The following DAZAP2 variants were observed in gnomAD, a reference collection of about 807,000 sequenced individuals.
DAZAP2 encodes DAZ-associated protein 2.
A neutral mutation model predicts 16.2 loss-of-function variants in DAZAP2; 3 were observed. That is an observed-to-expected ratio of 0.19 (90% CI 0.08 to 0.48). DAZAP2 has a LOEUF of 0.48. Among genes scored for constraint, DAZAP2 ranks in the 20% least tolerant of loss-of-function variants. The pLI is 0.98. For synonymous variants in DAZAP2, 69 were observed against 77.6 expected, an observed-to-expected ratio of 0.89 and a Z score of 0.58; for missense variants, 172 against 215.9, an observed-to-expected ratio of 0.80 and a Z score of 1.27.
chr12:51,242,446 C>T lies in DAZAP2; in HGVS notation c.495C>T (p.Tyr165=). The T allele has an allele frequency of 6.2e-7, 1 of 1,614,180 alleles. No individual in the cohort carries two copies. The highest frequency in any genetic ancestry group is 1.3e-5 in the African/African-American group (1 of 75,056). ...NFFMGGSDGG[Y]TIW ...TCATGGGTGGTTCAGATGGTGGCTA[C>T]ACCATCTGGTGAGGAACCAAGGCCA... is the stretch of plus-strand genomic sequence containing the variant. The change falls in exon 4 of 4, where the codon TAC becomes TAT. Residue 165 remains tyrosine (Y), a synonymous_variant. Coordinates refer to ENST00000412716, the MANE Select transcript of DAZAP2 (RefSeq NM_014764.4).
intron 2 of DAZAP2, 164 bp from the exon 3 acceptor site, chr12:51,240,707 C>G: frequency 9.9e-7 from 1 of 1,011,756 alleles, no homozygotes; most frequent in Admixed American, 2.7e-5. Context: ...TTAGCTATAG[C>G]AGAAAGTGAT....
Position 51,239,493 on chromosome 12 carries a change from AAAAG to A in DAZAP2, c.13+574_13+577del, listed in dbSNP as rs1440842808. 2.8e-4 allele frequency: 41 copies of A among 146,572 alleles called. 1 individual carries two copies. In the South Asian group the frequency reaches 4.9e-3, roughly 17 times the overall value. The allele number at this position is 146,572 out of a possible 1,614,324, so 9.1% of individuals were successfully genotyped here. A position where few individuals can be genotyped will look rare whatever the true frequency, so the allele number is the denominator to read the frequency against. ...AAAAGGAATAGAAAAAAAAAAAAAA[AAAAG>A]GCCGAGCGAGGTTGCTCACGCCTGT... On this transcript the variant is annotated intron_variant, in intron 1 of 3. Coordinates refer to ENST00000412716, the MANE Select transcript of DAZAP2 (RefSeq NM_014764.4).
chr12:51,243,096 C>G lies in DAZAP2; in HGVS notation c.*638C>G. 1 of 988,536 alleles carries G rather than the reference C, an allele frequency of 1.0e-6. No individual in the cohort carries two copies. The allele number at this position is 988,536 out of a possible 1,614,324, so 61.2% of individuals were successfully genotyped here. ...GTGTTTCACAAGGATCCTCTGAAAC[C>G]CTCTCTGTGCCCCAAGTACAGATGC... On this transcript the variant is annotated 3_prime_UTR_variant, in exon 4 of 4. Transcript: ENST00000412716.
intron 1 of DAZAP2, 53 bp downstream of exon 1, chr12:51,238,973 C>A: frequency 6.2e-7 from 1 of 1,605,860 alleles, no homozygotes. Context: ...TGGCCCAGAG[C>A]GAGCGGATTC....
At chr12:51,239,128 T>C in intron 1 of DAZAP2, 2 of 674,258 alleles carry the variant, frequency 3.0e-6, no homozygotes, top group South Asian at 4.0e-5. Context: ...CTCCGTAAAC[T>C]CTGTGGCGCA....
At chr12:51,245,882 T>G (rs1297257427), downstream of DAZAP2, 2 of 1,544,822 alleles carry the variant, frequency 1.3e-6, no homozygotes, top group East Asian at 4.5e-5. Context: ...TTTCCCATAA[T>G]AAGCAGTCAA....
chr12:51,246,268 C>T (rs1237944695), downstream of DAZAP2: 3 of 1,132,544 alleles, frequency 2.6e-6, no homozygotes, highest in Non-Finnish European at 3.7e-6. Context: ...CATGTTCCCC[C>T]ACCAACCCCA....
chr12:51,240,351 C>G lies in DAZAP2; in HGVS notation c.22C>G (p.Pro8Ala). ...TTTTTCTTGTCTTTCAGGTCAATAT[C>G]CAACACAGCCAACCTACCCTGTGCA... MNSKGQY[P>A]TQPTYPVQPP... The change falls in exon 2 of 4, where the codon CCA becomes GCA. Residue 8 changes from proline to alanine, a missense_variant. Physicochemically the swap from Pro to Ala is conservative, Grantham distance 27 (BLOSUM62 -1). Coordinates refer to ENST00000412716, the MANE Select transcript of DAZAP2 (RefSeq NM_014764.4). 1.9e-6 allele frequency: 3 copies of G among 1,613,764 alleles called. No homozygotes were observed. The highest frequency in any genetic ancestry group is 2.5e-6 in the Non-Finnish European group (3 of 1,179,778).
At position 51,243,483 on chromosome 12, in the gene DAZAP2, C is replaced by T; in HGVS notation, c.*1025C>T. 1.0e-6 allele frequency: 1 copy of T among 985,810 alleles called. No homozygotes were observed. Among genetic ancestry groups the T allele is most frequent in the Non-Finnish European group, 1.2e-6 (1 of 829,922 alleles). 61.1% of individuals were successfully genotyped at this position (985,810 alleles called of 1,614,324 possible). A position where few individuals can be genotyped will look rare whatever the true frequency, so the allele number is the denominator to read the frequency against. On this transcript the variant is annotated 3_prime_UTR_variant, in exon 4 of 4. Transcript: ENST00000412716. ...ATAGGGTCATATTGTGAATGTCTCA[C>T]TACAAAATGACTTGAGTCCAGTGAA...
intron 3 of DAZAP2, 34 bp downstream of exon 3, chr12:51,241,150 T>A (rs768307796): frequency 6.2e-7 from 1 of 1,604,466 alleles, no homozygotes; most frequent in Non-Finnish European, 8.5e-7. Context: ...AACTCAGCCC[T>A]TGTGTATTTT....
In DAZAP2 at chr12:51,242,684, T is replaced by A. The variant is rs1944699875; in HGVS notation, c.*226T>A. 6.6e-7 allele frequency: 1 copy of A among 1,509,784 alleles called. No homozygotes were observed. The highest frequency in any genetic ancestry group is 2.2e-5 in the Admixed American group (1 of 45,142). The allele number at this position is 1,509,784 out of a possible 1,614,324, so 93.5% of individuals were successfully genotyped here. On this transcript the variant is annotated 3_prime_UTR_variant, in exon 4 of 4. Transcript: ENST00000412716. The stretch of plus-strand genomic sequence containing the variant: ...TTGAGGTAGGGGAGGTATCCATTCA[T>A]AAAATGAATGTGGGTGAAGCCGCCC...
chr12:51,240,667 A>G, intron 2 of DAZAP2: 1 of 858,690 alleles, frequency 1.2e-6, no homozygotes, highest in Non-Finnish European at 1.8e-6. Flanking sequence ...TAAGGTGCAG[A>G]AGATGAATTT....
rs968553922 is a variant in DAZAP2 at position 51,243,680 on chromosome 12, GTCTC to G, written c.*1228_*1231del. ...CTGTTATGGAAGTTCAGCGTTGTAT[GTCTC>G]TCTCTACACTGTGGTGCACTTAACT... is the stretch of plus-strand genomic sequence containing the variant. On this transcript the variant is annotated 3_prime_UTR_variant, in exon 4 of 4. Transcript: ENST00000412716. 8 of 985,572 alleles carry G rather than the reference GTCTC, an allele frequency of 8.1e-6. No homozygotes were observed. The highest frequency in any genetic ancestry group is 4.7e-5 in the South Asian group (1 of 21,286). 61.1% of individuals were successfully genotyped at this position (985,572 alleles called of 1,614,324 possible).
chr12:51,238,907 C>T lies in DAZAP2; in HGVS notation c.-1C>T. ...CGAGACAAACCGGACCCGCAACCAC[C>T]ATGAACAGCAAAGGCAAGGACCGAG... On this transcript the variant is annotated 5_prime_UTR_variant, in exon 1 of 4. Coordinates refer to ENST00000412716, the MANE Select transcript of DAZAP2 (RefSeq NM_014764.4). 6.2e-7 allele frequency: 1 copy of T among 1,613,548 alleles called. No individual in the cohort carries two copies. Among genetic ancestry groups the T allele is most frequent in the Non-Finnish European group, 8.5e-7 (1 of 1,179,924 alleles).
rs1944702278 is a variant in DAZAP2 at position 51,242,808 on chromosome 12, C to A, written c.*350C>A. 1 of 1,400,172 alleles carries A rather than the reference C, an allele frequency of 7.1e-7. No individual in the cohort carries two copies. Among genetic ancestry groups the A allele is most frequent in the Non-Finnish European group, 9.2e-7 (1 of 1,084,656 alleles). The allele number at this position is 1,400,172 out of a possible 1,614,324, so 86.7% of individuals were successfully genotyped here. A position where few individuals can be genotyped will look rare whatever the true frequency, so the allele number is the denominator to read the frequency against. On this transcript the variant is annotated 3_prime_UTR_variant, in exon 4 of 4. Coordinates refer to ENST00000412716, the MANE Select transcript of DAZAP2 (RefSeq NM_014764.4). ...AATTAGGTTTGGAGGGAACTTTGAT[C>A]TTCCTAAGAATTAAAGTTGCCAAAT...
At chr12:51,244,221 CAG>C (rs1481341666), downstream of DAZAP2, among the ~76,000 whole-genome samples, 3 of 152,220 alleles carry the variant, frequency 2.0e-5, no homozygotes, top group East Asian at 5.8e-4. Context: ...TTTTTTGAGA[CAG>C]GGTCTCCCTC....
At position 51,242,831 on chromosome 12, in the gene DAZAP2, AATT is replaced by A. The variant is rs1205119086; in HGVS notation, c.*377_*379del. ...ATCTTCCTAAGAATTAAAGTTGCCA[AATT>A]ATTCTGATTGGTCTTTAATCTCCTT... is the stretch of plus-strand genomic sequence containing the variant. On this transcript the variant is annotated 3_prime_UTR_variant, in exon 4 of 4. Coordinates refer to ENST00000412716, the MANE Select transcript of DAZAP2 (RefSeq NM_014764.4). 2.2e-6 allele frequency: 3 copies of A among 1,385,824 alleles called. No homozygotes were observed. The highest frequency in any genetic ancestry group is 6.9e-5 in the Admixed American group (2 of 28,982). 85.8% of individuals were successfully genotyped at this position (1,385,824 alleles called of 1,614,324 possible). A position where few individuals can be genotyped will look rare whatever the true frequency, so the allele number is the denominator to read the frequency against.
Position 51,239,106 on chromosome 12 carries a change from C to G in DAZAP2, c.13+186C>G, listed in dbSNP as rs944646006. The G allele has an allele frequency of 9.8e-6, 8 of 812,458 alleles. No homozygotes were observed. The South Asian group carries it at 1.3e-4, about 13-fold the overall frequency. The allele number at this position is 812,458 out of a possible 1,614,324, so 50.3% of individuals were successfully genotyped here. A position where few individuals can be genotyped will look rare whatever the true frequency, so the allele number is the denominator to read the frequency against. On this transcript the variant is annotated intron_variant, in intron 1 of 3. Coordinates refer to ENST00000412716, the MANE Select transcript of DAZAP2 (RefSeq NM_014764.4). ...CCCAAATTACGGCAGCTTGCTGCCTCCAGGCCCTTTCCTCCGTAAACTCTG... is the reference window on the plus strand; with the variant it reads ...CCCAAATTACGGCAGCTTGCTGCCTGCAGGCCCTTTCCTCCGTAAACTCTG...
At chr12:51,246,314 G>A (rs1306764860), downstream of DAZAP2, 2 of 730,804 alleles carry the variant, frequency 2.7e-6, no homozygotes, top group South Asian at 2.3e-5. Context: ...GTCTCCTGGT[G>A]CTTAAGCTAA....
Sources: gnomAD v4.1 joint callset for allele counts (sites outside exome capture counted in the v4.1 genomes callset) on GRCh38, gnomAD v4.1.1 for gene constraint, MANE v1.5 for transcripts, NCBI Gene and HGNC (gene_info 2026-07-23, HGNC 2026-07-21) for gene names.